Variants in SUMF1 observed in about 807,000 individuals in gnomAD.
SUMF1 encodes the protein sulfatase modifying factor 1, also known as formylglycine-generating enzyme.
A neutral mutation model predicts 47.6 loss-of-function variants in SUMF1; 48 were observed. That is an observed-to-expected ratio of 1.01 (90% CI 0.80 to 1.28). The LOEUF (loss-of-function observed/expected upper bound fraction) is 1.28. Among genes scored for constraint, SUMF1 ranks in the 50% most tolerant of loss-of-function variants. The pLI, the probability that SUMF1 is intolerant of heterozygous loss-of-function variation, is 0.00. For missense variants in SUMF1, 571 were observed against 485.4 expected, an observed-to-expected ratio of 1.18 and a Z score of -1.66; for synonymous variants, 230 against 192.1, an observed-to-expected ratio of 1.20 and a Z score of -1.63.
chr3:4,135,424 C>T (rs1003266234), intron 8 of SUMF1, among the ~76,000 whole-genome samples: 7 of 152,000 alleles, frequency 4.6e-5, no homozygotes, highest in South Asian at 2.1e-4. Flanking sequence ...AATTCAACAA[C>T]GTTTCATGCT....
intron 8 of SUMF1, among the ~76,000 whole-genome samples, chr3:4,100,932 G>A: frequency 6.6e-6 from 1 of 151,960 alleles, no homozygotes; most frequent in Non-Finnish European, 1.5e-5. Flanking sequence ...TCAGAGAAAT[G>A]CAAATTAAAA....
At chr3:4,051,143 G>T (rs1025960516) in intron 9 of SUMF1, among the ~76,000 whole-genome samples, 1 of 149,578 alleles carries the variant, frequency 6.7e-6, no homozygotes, top group African/African-American at 2.4e-5. Flanking sequence ...AAAAAAAAGG[G>T]TGGGGAAAGG....
chr3:4,297,564 A>T (rs1449364443), intron 8 of SUMF1, among the ~76,000 whole-genome samples: 1 of 113,872 alleles, frequency 8.8e-6, no homozygotes, highest in Non-Finnish European at 1.7e-5. Context: ...CTACACCTGA[A>T]TTTTTTTTTT....
chr3:4,108,421 T>G (rs1036153401), intron 8 of SUMF1, among the ~76,000 whole-genome samples: 2 of 152,130 alleles, frequency 1.3e-5, no homozygotes, highest in Non-Finnish European at 2.9e-5. Context: ...TGGAGAGTTC[T>G]GTATATGTCT....
intron 8 of SUMF1, among the ~76,000 whole-genome samples, chr3:4,251,279 A>C (rs1220469150): frequency 2.0e-5 from 3 of 152,196 alleles, no homozygotes; most frequent in Non-Finnish European, 4.4e-5. Flanking sequence ...TTAGAAGTGG[A>C]GCCTGAATTG....
At chr3:4,158,409 A>C (rs1022550093) in intron 8 of SUMF1, among the ~76,000 whole-genome samples, 1 of 151,484 alleles carries the variant, frequency 6.6e-6, no homozygotes, top group Non-Finnish European at 1.5e-5. Flanking sequence ...GCTGAGGAGA[A>C]GAATGTATAT....
intron 8 of SUMF1, among the ~76,000 whole-genome samples, chr3:4,200,809 T>C (rs186263573): frequency 1.3e-5 from 2 of 152,278 alleles, no homozygotes; most frequent in Admixed American, 1.3e-4. Context: ...CCAGCATGTT[T>C]TTCTGCTGAA....
At chr3:4,122,948 T>G (rs1693577799) in intron 8 of SUMF1, among the ~76,000 whole-genome samples, 1 of 152,108 alleles carries the variant, frequency 6.6e-6, no homozygotes, top group African/African-American at 2.4e-5. Flanking sequence ...TATGTGCCCA[T>G]TCAACAACAA....
intron 8 of SUMF1, among the ~76,000 whole-genome samples, chr3:4,353,477 C>T (rs1389647752): frequency 6.6e-6 from 1 of 152,166 alleles, no homozygotes; most frequent in Non-Finnish European, 1.5e-5. Context: ...TGGTCTCGAT[C>T]TCCTGACCTC....
intron 7 of SUMF1, among the ~76,000 whole-genome samples, chr3:4,389,143 C>A (rs980299121): frequency 2.6e-5 from 4 of 152,084 alleles, no homozygotes; most frequent in Non-Finnish European, 5.9e-5. Context: ...TTAGGATAGG[C>A]TGGCTAGCAA....
intron 1 of SUMF1, among the ~76,000 whole-genome samples, chr3:4,454,461 G>A (rs1267393374): frequency 1.3e-5 from 2 of 152,190 alleles, no homozygotes; most frequent in Admixed American, 6.5e-5. Flanking sequence ...GAAGAAATTG[G>A]AACCCTCACA....
intron 8 of SUMF1, among the ~76,000 whole-genome samples, chr3:4,349,975 T>A (rs1357099433): frequency 1.3e-5 from 2 of 150,596 alleles, no homozygotes; most frequent in Non-Finnish European, 3.0e-5. Context: ...ATAAAAAAAA[T>A]AAGTTGTATA....
chr3:4,075,899 A>G (rs1382766623), intron 8 of SUMF1, among the ~76,000 whole-genome samples: 1 of 152,184 alleles, frequency 6.6e-6, no homozygotes, highest in Non-Finnish European at 1.5e-5. Context: ...ATATCATGAA[A>G]ATGGCCATAC....
intron 9 of SUMF1, among the ~76,000 whole-genome samples, chr3:4,065,795 A>T (rs1479293058): frequency 6.6e-6 from 1 of 152,160 alleles, no homozygotes; most frequent in African/African-American, 2.4e-5. Context: ...AAAGTCATCC[A>T]ACAAGGATTG....
chr3:4,446,158 T>C (rs1291517889), intron 3 of SUMF1, among the ~76,000 whole-genome samples: 4 of 152,244 alleles, frequency 2.6e-5, no homozygotes, highest in Non-Finnish European at 5.9e-5. Flanking sequence ...CACCATCTAA[T>C]ATGGTTTGGC....
chr3:4,259,655 C>G (rs1697042509), intron 8 of SUMF1, among the ~76,000 whole-genome samples: 1 of 152,098 alleles, frequency 6.6e-6, no homozygotes, highest in East Asian at 1.9e-4. Flanking sequence ...TTACATGTCT[C>G]AAAATACCAA....
chr3:4,054,769 C>T (rs182353866), intron 9 of SUMF1, among the ~76,000 whole-genome samples: 3 of 152,264 alleles, frequency 2.0e-5, no homozygotes, highest in African/African-American at 7.2e-5. Context: ...ACAATATCAA[C>T]AACAACATCT....
At chr3:4,183,821 T>C (rs1478751229) in intron 8 of SUMF1, among the ~76,000 whole-genome samples, 7 of 152,134 alleles carry the variant, frequency 4.6e-5, no homozygotes, top group Admixed American at 4.6e-4. Flanking sequence ...TGGAAGTTGG[T>C]TCACAAGGTA....
At chr3:4,421,826 G>A (rs1310742131) in intron 3 of SUMF1, among the ~76,000 whole-genome samples, 1 of 152,104 alleles carries the variant, frequency 6.6e-6, no homozygotes, top group Non-Finnish European at 1.5e-5. Flanking sequence ...ACAAAAGAAA[G>A]TGACTCAAGG....
Sources: gnomAD v4.1 joint callset for allele counts (sites outside exome capture counted in the v4.1 genomes callset) on GRCh38, gnomAD v4.1.1 for gene constraint, MANE v1.5 for transcripts, NCBI Gene and HGNC (gene_info 2026-07-23, HGNC 2026-07-21) for gene names.